Variants in PARVA observed in about 807,000 individuals in gnomAD.
PARVA encodes the protein parvin alpha.
A neutral mutation model predicts 52.6 loss-of-function variants in PARVA; 25 were observed. That is an observed-to-expected ratio of 0.48 (90% CI 0.35 to 0.66). PARVA has a LOEUF of 0.66. Ranked by LOEUF, PARVA falls within the 30% of genes least tolerant of loss-of-function variation. The pLI is 0.01. For missense variants in PARVA, 373 were observed against 450.9 expected (o/e 0.83, Z 1.56); for synonymous variants, 185 against 179.1 (o/e 1.03, Z -0.26).
chr11:12,452,402 C>T (rs561801835), intron 1 of PARVA, among the ~76,000 whole-genome samples: 15 of 151,918 alleles, frequency 9.9e-5, no homozygotes, highest in Admixed American at 6.6e-5. Flanking sequence ...GTTAGATCTT[C>T]GTGATCTAGT....
intron 1 of PARVA, among the ~76,000 whole-genome samples, chr11:12,468,110 T>G (rs954828737): frequency 3.3e-5 from 5 of 152,232 alleles, no homozygotes; most frequent in African/African-American, 9.6e-5. Context: ...CTTCCCAGTC[T>G]TCTCCATCCA....
In PARVA at chr11:12,410,299, G is replaced by A. The variant is rs565558683; in HGVS notation, c.136+32516G>A. The stretch of plus-strand genomic sequence containing the variant: ...CCTCATCTTCAGGGCTCAGCCCACA[G>A]GCCTCCTCCAGGAACACCCCTGCCT... On this transcript the variant is annotated intron_variant, in intron 1 of 12. Transcript: ENST00000334956. Among the ~76,000 whole-genome samples, 24 of 152,298 alleles carry A rather than the reference G, an allele frequency of 1.6e-4. No homozygotes were observed. In the East Asian group the frequency reaches 4.1e-3, roughly 26 times the overall value.
At chr11:12,468,466 A>C (rs569388376) in intron 1 of PARVA, among the ~76,000 whole-genome samples, 1 of 152,188 alleles carries the variant, frequency 6.6e-6, no homozygotes, top group Non-Finnish European at 1.5e-5. Flanking sequence ...TCTTTTCTTC[A>C]TGAACAAAAA....
intron 8 of PARVA, among the ~76,000 whole-genome samples, chr11:12,512,746 A>T (rs1941517934): frequency 6.6e-6 from 1 of 152,300 alleles, no homozygotes; most frequent in African/African-American, 2.4e-5. Context: ...GGTTATTTTT[A>T]AAATGACATT....
chr11:12,437,347 A>G (rs1013065205), intron 1 of PARVA, among the ~76,000 whole-genome samples: 4 of 152,176 alleles, frequency 2.6e-5, no homozygotes, highest in Admixed American at 6.5e-5. Flanking sequence ...CCCTCCTTCC[A>G]GGAAGCCTTC....
intron 8 of PARVA, 41 bp downstream of exon 8, chr11:12,511,574 C>A (rs758566726): frequency 3.1e-6 from 5 of 1,606,810 alleles, no homozygotes; most frequent in African/African-American, 1.3e-5. Flanking sequence ...GGTGGCTGCA[C>A]TGGGGCTTTA....
intron 1 of PARVA, among the ~76,000 whole-genome samples, chr11:12,420,247 C>T (rs540498670): frequency 6.7e-4 from 102 of 152,100 alleles, no homozygotes; most frequent in Non-Finnish European, 1.4e-3. Context: ...ATCTGTTATT[C>T]CTTTTGGAGG....
intron 1 of PARVA, among the ~76,000 whole-genome samples, chr11:12,452,551 A>G (rs4756884): frequency 0.31 from 47,876 of 152,120 alleles, 8,704 homozygotes; most frequent in East Asian, 0.56. Flanking sequence ...TGCCTTTGTC[A>G]GATCCCCATG....
Position 12,453,308 on chromosome 11 carries a change from C to T in PARVA, c.137-20437C>T, listed in dbSNP as rs140328698. Among the ~76,000 whole-genome samples, 567 of 152,096 alleles carry T rather than the reference C, an allele frequency of 3.7e-3. 3 individuals are homozygous for T. Among genetic ancestry groups the T allele is most frequent in the African/African-American group, 0.012 (500 of 41,476 alleles). On this transcript the variant is annotated intron_variant, in intron 1 of 12. Coordinates refer to ENST00000334956, the MANE Select transcript of PARVA (RefSeq NM_018222.5). ...AAGAAATGAAGGAGTAAAGGACTTG[C>T]GGAAGAAAAGCTCTACCTAAGTTTA...
At chr11:12,393,044 G>GAAAAAA (rs60966710) in intron 1 of PARVA, among the ~76,000 whole-genome samples, 1 of 46,162 alleles carries the variant, frequency 2.2e-5, no homozygotes, top group Admixed American at 2.6e-4. Context: ...CCCAAATTGT[G>GAAAAAA]AAAAAAAAAA....
At chr11:12,485,843 T>C (rs1941152432) in intron 4 of PARVA, among the ~76,000 whole-genome samples, 1 of 152,110 alleles carries the variant, frequency 6.6e-6, no homozygotes, top group Non-Finnish European at 1.5e-5. Flanking sequence ...ACTTCTGTGG[T>C]CTTCCTCCCC....
chr11:12,521,208 A>C (rs796656310), intron 12 of PARVA, among the ~76,000 whole-genome samples: 6 of 152,308 alleles, frequency 3.9e-5, no homozygotes, highest in African/African-American at 1.4e-4. Context: ...GCAATGCTGA[A>C]AAACCAAGCA....
At chr11:12,519,530 CTG>C (rs368193883) in intron 12 of PARVA, among the ~76,000 whole-genome samples, 144 of 152,232 alleles carry the variant, frequency 9.5e-4, no homozygotes, top group African/African-American at 3.3e-3. Context: ...AAGGAAGAGT[CTG>C]TGAGGACTGA....
At chr11:12,422,056 A>G (rs760401676) in intron 1 of PARVA, among the ~76,000 whole-genome samples, 5 of 152,204 alleles carry the variant, frequency 3.3e-5, no homozygotes, top group East Asian at 1.9e-4. Context: ...ATCATCTTCT[A>G]TGTACAATTT....
At chr11:12,447,468 T>C (rs1050116279) in intron 1 of PARVA, among the ~76,000 whole-genome samples, 5 of 152,098 alleles carry the variant, frequency 3.3e-5, no homozygotes, top group African/African-American at 1.2e-4. Flanking sequence ...CCGAGCCCGG[T>C]AGATATGGTC....
At chr11:12,455,984 G>C (rs945878671) in intron 1 of PARVA, among the ~76,000 whole-genome samples, 22 of 152,162 alleles carry the variant, frequency 1.4e-4, no homozygotes, top group African/African-American at 5.1e-4. Context: ...AGCATTGTGT[G>C]GGGCTTTTCT....
At position 12,446,305 on chromosome 11, in the gene PARVA, T is replaced by C. The variant is rs113888530; in HGVS notation, c.137-27440T>C. ...GTTAATAAATTCAAGTTAAAACAAC[T>C]GTGAGTTACCACTCCCACCTACTAC... On this transcript the variant is annotated intron_variant, in intron 1 of 12. Coordinates refer to ENST00000334956, the MANE Select transcript of PARVA (RefSeq NM_018222.5). Among the ~76,000 whole-genome samples the C allele has an allele frequency of 6.7e-3, 1,016 of 152,242 alleles. 9 individuals carry two copies. Among genetic ancestry groups the C allele is most frequent in the Non-Finnish European group, 0.01 (689 of 68,012 alleles).
At position 12,496,666 on chromosome 11, in the gene PARVA, A is replaced by G. The variant is rs1941302955; in HGVS notation, c.541+68A>G. ...TGGTCCCTGCCATGGGGCTTCCCCA[A>G]GAAGCCATCCATAAGCTTGGCAGGC... On this transcript the variant is annotated intron_variant, in intron 5 of 12. Coordinates refer to ENST00000334956, the MANE Select transcript of PARVA (RefSeq NM_018222.5). 1.1e-5 allele frequency: 17 copies of G among 1,499,204 alleles called. No homozygotes were observed. The South Asian group carries it at 2.2e-4, about 19-fold the overall frequency. The allele number at this position is 1,499,204 out of a possible 1,614,324, so 92.9% of individuals were successfully genotyped here.
chr11:12,429,210 G>A (rs894492054), intron 1 of PARVA, among the ~76,000 whole-genome samples: 1 of 152,006 alleles, frequency 6.6e-6, no homozygotes, highest in Non-Finnish European at 1.5e-5. Context: ...TGAACTCCTC[G>A]CCTCAAACAG....
Sources: gnomAD v4.1 joint callset for allele counts (sites outside exome capture counted in the v4.1 genomes callset) on GRCh38, gnomAD v4.1.1 for gene constraint, MANE v1.5 for transcripts, NCBI Gene and HGNC (gene_info 2026-07-23, HGNC 2026-07-21) for gene names.